Variants in SLC49A4 observed in about 807,000 individuals in gnomAD.
SLC49A4 encodes disrupted in renal cancer protein 2.
A neutral mutation model predicts 50.6 loss-of-function variants in SLC49A4; 36 were observed. The observed-to-expected ratio is 0.71, with a 90% confidence interval of 0.55 to 0.94. SLC49A4 has a LOEUF of 0.94. Ranked by LOEUF, SLC49A4 falls within the 40% of genes least tolerant of loss-of-function variation. The pLI is 0.00. For missense variants in SLC49A4, 503 were observed against 605.7 expected (o/e 0.83, Z 1.78); for synonymous variants, 248 against 241.2 (o/e 1.03, Z -0.26).
chr3:122,853,625 T>C (rs1226432670), intron 5 of SLC49A4, among the ~76,000 whole-genome samples: 1 of 152,142 alleles, frequency 6.6e-6, no homozygotes, highest in African/African-American at 2.4e-5. Context: ...CTGGGCGCGG[T>C]AGCACACGCC....
intron 5 of SLC49A4, among the ~76,000 whole-genome samples, chr3:122,855,746 A>G (rs1936980932): frequency 6.6e-6 from 1 of 152,224 alleles, no homozygotes; most frequent in African/African-American, 2.4e-5. Flanking sequence ...AAATTATCTC[A>G]TTTAATCCAT....
chr3:122,831,199 C>T (rs773010171), intron 3 of SLC49A4, among the ~76,000 whole-genome samples: 4 of 151,980 alleles, frequency 2.6e-5, no homozygotes, highest in Non-Finnish European at 5.9e-5. Flanking sequence ...ATGGTGTAGC[C>T]GCATTGGAAA....
intron 2 of SLC49A4, among the ~76,000 whole-genome samples, chr3:122,817,943 G>A (rs1936397676): frequency 6.6e-6 from 1 of 151,886 alleles, no homozygotes; most frequent in African/African-American, 2.4e-5. Context: ...AGCAGACACT[G>A]TCAGCTACTA....
chr3:122,848,137 G>A (rs1936881786), intron 5 of SLC49A4, among the ~76,000 whole-genome samples: 1 of 152,078 alleles, frequency 6.6e-6, no homozygotes, highest in Non-Finnish European at 1.5e-5. Flanking sequence ...TCTTTTACCT[G>A]TCACATTTAC....
At chr3:122,811,388 G>A (rs1936296096) in intron 2 of SLC49A4, among the ~76,000 whole-genome samples, 1 of 152,164 alleles carries the variant, frequency 6.6e-6, no homozygotes, top group Non-Finnish European at 1.5e-5. Context: ...ATAGCAGACA[G>A]ATGTCTATTT....
At chr3:122,829,236 A>G (rs1422463484) in intron 3 of SLC49A4, among the ~76,000 whole-genome samples, 1 of 152,240 alleles carries the variant, frequency 6.6e-6, no homozygotes, top group Non-Finnish European at 1.5e-5. Context: ...ATGATATACC[A>G]TGACTAAATG....
intron 2 of SLC49A4, among the ~76,000 whole-genome samples, chr3:122,810,611 C>CATGTGCAGG (rs1226944477): frequency 6.6e-6 from 1 of 152,180 alleles, no homozygotes; most frequent in African/African-American, 2.4e-5. Flanking sequence ...TTCCAGGATG[C>CATGTGCAGG]ATGTGCAGGA....
intron 4 of SLC49A4, among the ~76,000 whole-genome samples, chr3:122,840,887 A>G (rs1936761103): frequency 6.6e-6 from 1 of 152,228 alleles, no homozygotes; most frequent in South Asian, 2.1e-4. Context: ...CTTACATTCT[A>G]TAGGCCATTG....
chr3:122,829,234 C>G (rs1936578328), intron 3 of SLC49A4, among the ~76,000 whole-genome samples: 1 of 152,154 alleles, frequency 6.6e-6, no homozygotes, highest in Non-Finnish European at 1.5e-5. Context: ...GGATGATATA[C>G]CATGACTAAA....
chr3:122,816,238 A>C (rs944592698), intron 2 of SLC49A4, among the ~76,000 whole-genome samples: 1 of 152,154 alleles, frequency 6.6e-6, no homozygotes, highest in Non-Finnish European at 1.5e-5. Context: ...TGAGGCTTCA[A>C]ATTTCTGGAT....
rs973738987 is a variant in SLC49A4, at chr3:122,840,513, A to T, written c.834-5250A>T. Among the ~76,000 whole-genome samples, 3 of 152,234 alleles carry T rather than the reference A, an allele frequency of 2.0e-5. No homozygotes were observed. The East Asian group carries it at 5.8e-4, about 29-fold the overall frequency. ...ATAAGTAAAATTAATAAGTAAAATT[A>T]GTTCTAAGAAATGAGTAAAATCAAT... On this transcript the variant is annotated intron_variant, in intron 4 of 8. Transcript: ENST00000261038.
At chr3:122,834,447 A>C (rs568083213) in intron 4 of SLC49A4, among the ~76,000 whole-genome samples, 1 of 152,194 alleles carries the variant, frequency 6.6e-6, no homozygotes, top group Non-Finnish European at 1.5e-5. Flanking sequence ...AAATTAAACA[A>C]TCTGCTCCTG....
intron 7 of SLC49A4, among the ~76,000 whole-genome samples, chr3:122,863,313 GT>G (rs1270604306): frequency 7.9e-5 from 12 of 152,148 alleles, no homozygotes; most frequent in Admixed American, 2.6e-4. Flanking sequence ...CTGGAGCATG[GT>G]TTTGTGCCAA....
intron 1 of SLC49A4, among the ~76,000 whole-genome samples, chr3:122,796,093 A>C (rs1392301566): frequency 6.6e-6 from 1 of 152,204 alleles, no homozygotes; most frequent in Non-Finnish European, 1.5e-5. Flanking sequence ...TGGCTTTCTC[A>C]GTTGAGATTT....
At position 122,879,255 on chromosome 3, in the gene SLC49A4, T is replaced by C. The variant is rs1449823617; in HGVS notation, c.1322-8T>C. Reference sequence around the variant, plus strand: ...ATGTTTAAAACTGCATGTTTTTTTGTCTTACAGAGTTGTCTTGGTTCAACT... The same window carrying C: ...ATGTTTAAAACTGCATGTTTTTTTGCCTTACAGAGTTGTCTTGGTTCAACT... On this transcript the variant is annotated splice_region_variant and splice_polypyrimidine_tract_variant and intron_variant, in intron 8 of 8. Coordinates refer to ENST00000261038, the MANE Select transcript of SLC49A4 (RefSeq NM_032839.3). The C allele has an allele frequency of 6.2e-7, 1 of 1,607,140 alleles. No individual in the cohort carries two copies. Among genetic ancestry groups the C allele is most frequent in the African/African-American group, 1.3e-5 (1 of 74,888 alleles).
chr3:122,869,949 A>G (rs1937174691), intron 7 of SLC49A4, among the ~76,000 whole-genome samples: 1 of 152,214 alleles, frequency 6.6e-6, no homozygotes, highest in African/African-American at 2.4e-5. Flanking sequence ...TTAAAAAATC[A>G]TTAAAGTCAA....
intron 4 of SLC49A4, among the ~76,000 whole-genome samples, chr3:122,836,032 G>A (rs989664758): frequency 6.6e-6 from 1 of 151,952 alleles, no homozygotes; most frequent in African/African-American, 2.4e-5. Context: ...AAATACCTAG[G>A]AATATTCTTA....
intron 3 of SLC49A4, among the ~76,000 whole-genome samples, chr3:122,827,853 G>A (rs1310730475): frequency 6.6e-6 from 1 of 152,196 alleles, no homozygotes; most frequent in Non-Finnish European, 1.5e-5. Flanking sequence ...AGTTGAGGGG[G>A]CAGGAAAGGC....
In SLC49A4 at chr3:122,850,003, A is replaced by G. The variant is rs144604819; in HGVS notation, c.942+4132A>G. Among the ~76,000 whole-genome samples the G allele has an allele frequency of 2.0e-3, 308 of 152,250 alleles. 1 individual carries two copies. The highest frequency in any genetic ancestry group is 6.8e-3 in the African/African-American group (281 of 41,560). ...TCCCTTTTAGAAAAAAAAAAAGTGCAGCTCGCTGCCAGCACTCATTTAATT... is the reference window on the plus strand; with the variant it reads ...TCCCTTTTAGAAAAAAAAAAAGTGCGGCTCGCTGCCAGCACTCATTTAATT... On this transcript the variant is annotated intron_variant, in intron 5 of 8. Transcript: ENST00000261038.
Sources: allele counts gnomAD v4.1 joint callset (sites outside exome capture counted in the v4.1 genomes callset), GRCh38; gene constraint gnomAD v4.1.1; transcripts MANE v1.5; gene names NCBI Gene and HGNC (gene_info 2026-07-23, HGNC 2026-07-21).